The following GLDC variants were observed in gnomAD, a reference collection of about 807,000 sequenced individuals.
GLDC encodes glycine dehydrogenase (decarboxylating), mitochondrial.
A neutral mutation model predicts 121.3 loss-of-function variants in GLDC; 104 were observed. That is an observed-to-expected ratio of 0.86 (90% CI 0.73 to 1.01). The LOEUF (loss-of-function observed/expected upper bound fraction) is 1.01, where lower values mean the gene tolerates loss of function less well. Ranked by LOEUF, GLDC falls within the 50% of genes least tolerant of loss-of-function variation. The pLI is 0.00. For synonymous variants in GLDC, 546 were observed against 480.6 expected (o/e 1.14, Z -1.78); for missense variants, 1,429 against 1,306.6 (o/e 1.09, Z -1.44).
chr9:6,555,480 A>G (rs1036020171), intron 18 of GLDC, among the ~76,000 whole-genome samples: 3 of 152,122 alleles, frequency 2.0e-5, no homozygotes, highest in Non-Finnish European at 4.4e-5. Flanking sequence ...GTAGGAAAAA[A>G]AAAAGAGGTC....
chr9:6,604,994 C>G (rs980433189), intron 6 of GLDC, 137 bp downstream of exon 6: 2 of 1,002,122 alleles, frequency 2.0e-6, no homozygotes, highest in African/African-American at 1.6e-5. Context: ...AGCAAGGAGT[C>G]AGGAAGGAGA....
intron 2 of GLDC, among the ~76,000 whole-genome samples, chr9:6,634,108 G>A (rs1191890040): frequency 1.3e-5 from 2 of 151,988 alleles, no homozygotes; most frequent in Non-Finnish European, 2.9e-5. Flanking sequence ...GGGATTACAG[G>A]TGTGAGCCAC....
chr9:6,595,067 C>T lies in GLDC; in HGVS notation c.1208G>A (p.Gly403Glu), dbSNP rs745985295. Reference sequence around the variant, plus strand: ...TACCCTCCTAGCAATATGCTCCAGCCCATGGGAACCATGGTAGATTGCAAA... The same window carrying T: ...TACCCTCCTAGCAATATGCTCCAGCTCATGGGAACCATGGTAGATTGCAAA... Reference protein sequence around the residue: ...AMFAIYHGSHGLEHIARRVHN... With the variant: ...AMFAIYHGSHELEHIARRVHN... Residue 403 changes from glycine to glutamate, a missense_variant, in exon 9 of 25, where the codon GGG becomes GAG. Transcript: ENST00000321612. The T allele has an allele frequency of 1.2e-6, 2 of 1,613,486 alleles. No homozygotes were observed. Among genetic ancestry groups the T allele is most frequent in the South Asian group, 1.1e-5 (1 of 91,066 alleles).
intron 8 of GLDC, among the ~76,000 whole-genome samples, chr9:6,599,491 G>C (rs1400352483): frequency 6.6e-6 from 1 of 152,102 alleles, no homozygotes; most frequent in Non-Finnish European, 1.5e-5. Flanking sequence ...GGGAGGCCGA[G>C]GTGGGCAGAT....
At chr9:6,582,149 A>C (rs773618244) in intron 15 of GLDC, among the ~76,000 whole-genome samples, 8 of 135,808 alleles carry the variant, frequency 5.9e-5, no homozygotes, top group Non-Finnish European at 1.1e-4. Context: ...TGAGAGGCGG[A>C]GGTTGCAGTG....
At chr9:6,544,036 T>C (rs558890754) in intron 21 of GLDC, among the ~76,000 whole-genome samples, 2 of 152,100 alleles carry the variant, frequency 1.3e-5, no homozygotes, top group Admixed American at 1.3e-4. Context: ...AAACCCTCCT[T>C]GAGAGAAGGG....
intron 15 of GLDC, chr9:6,565,745 C>T (rs1817843257): frequency 7.0e-6 from 4 of 568,322 alleles, no homozygotes; most frequent in Non-Finnish European, 1.2e-5. Context: ...AAAACTATAC[C>T]AAAATACAGT....
At chr9:6,612,989 C>T (rs903083043) in intron 3 of GLDC, among the ~76,000 whole-genome samples, 7 of 152,086 alleles carry the variant, frequency 4.6e-5, no homozygotes, top group African/African-American at 1.4e-4. Flanking sequence ...ACATAAAATA[C>T]AAAACGTTCT....
At position 6,558,385 on chromosome 9, in the gene GLDC, G is replaced by A. The variant is rs183944008; in HGVS notation, c.2052+174C>T. On this transcript the variant is annotated intron_variant, in intron 17 of 24. Coordinates refer to ENST00000321612, the MANE Select transcript of GLDC (RefSeq NM_000170.3). ...TTTACACAAGCTGGAATTAGAAAACGGGGATTTCTCCCTGTTGGTGATGGG... is the reference window on the plus strand; with the variant it reads ...TTTACACAAGCTGGAATTAGAAAACAGGGATTTCTCCCTGTTGGTGATGGG... 158 of 756,510 alleles carry A rather than the reference G, an allele frequency of 2.1e-4. 1 individual carries two copies. The highest frequency in any genetic ancestry group is 4.2e-4 in the East Asian group (17 of 40,798). The allele number at this position is 756,510 out of a possible 1,614,324, so 46.9% of individuals were successfully genotyped here.
intron 3 of GLDC, among the ~76,000 whole-genome samples, chr9:6,612,598 T>G (rs1423675018): frequency 6.6e-6 from 1 of 151,836 alleles, no homozygotes; most frequent in East Asian, 1.9e-4. Context: ...CAGTGGCTCA[T>G]GCCTGTAAGT....
At chr9:6,561,929 G>C (rs1817767380) in intron 16 of GLDC, among the ~76,000 whole-genome samples, 1 of 152,144 alleles carries the variant, frequency 6.6e-6, no homozygotes, top group Admixed American at 6.5e-5. Context: ...CTTTGTCTCA[G>C]GCAGTTGGGA....
chr9:6,585,267 A>T (rs1818245950), intron 15 of GLDC, among the ~76,000 whole-genome samples: 1 of 152,240 alleles, frequency 6.6e-6, no homozygotes, highest in Non-Finnish European at 1.5e-5. Context: ...GAATTAAAAT[A>T]GTCTTGAAAA....
At chr9:6,622,512 G>A (rs984638381) in intron 2 of GLDC, among the ~76,000 whole-genome samples, 7 of 152,016 alleles carry the variant, frequency 4.6e-5, no homozygotes, top group Non-Finnish European at 7.4e-5. Flanking sequence ...CCGAGGTGCC[G>A]GGATTGCAGA....
In GLDC at chr9:6,605,263, G is replaced by A. The variant is rs1372919732; in HGVS notation, c.729C>T (p.Leu243=). Residue 243 remains leucine (L), a synonymous_variant, in exon 6 of 25, where the codon CTC becomes CTT. Transcript: ENST00000321612. ...VQTRAKYTGV[L]TELKLPCEMD... ...TTTCACAGGGTAACTTCAGCTCAGT[G>A]AGGACTCCAGTATATCTGGAAAGAC... 3.1e-6 allele frequency: 5 copies of A among 1,613,818 alleles called. No individual in the cohort carries two copies. Among genetic ancestry groups the A allele is most frequent in the Admixed American group, 3.3e-5 (2 of 59,980 alleles).
chr9:6,534,190 A>G (rs1817065930), intron 24 of GLDC: 1 of 160,326 alleles, frequency 6.2e-6, no homozygotes, highest in Admixed American at 6.0e-5. Flanking sequence ...CTCAAAAAAA[A>G]AAAAAAAAAA....
rs565335444 is a variant in GLDC, at chr9:6,605,121, G to A, written c.861+10C>T. The stretch of plus-strand genomic sequence containing the variant: ...CCTCCACGGACCCCCCACAAGAAAG[G>A]TATACCTACCCCACTCTGATGAGCT... On this transcript the variant is annotated intron_variant, in intron 6 of 24. Transcript: ENST00000321612. 382 of 1,611,452 alleles carry A rather than the reference G, an allele frequency of 2.4e-4. 5 individuals carry two copies. The South Asian group carries it at 4.0e-3, about 17-fold the overall frequency.
rs541053032 is a variant in GLDC at position 6,560,675 on chromosome 9, G to C, written c.1927-1991C>G. On this transcript the variant is annotated intron_variant, in intron 16 of 24. Coordinates refer to ENST00000321612, the MANE Select transcript of GLDC (RefSeq NM_000170.3). ...TAAAATATTCATAGAAAGCCAAAAT[G>C]AAGAATTCATACCAGGTGAGTTCTG... 2.6e-5 allele frequency among the ~76,000 whole-genome samples: 4 copies of C among 152,310 alleles called. No individual in the cohort carries two copies. The East Asian group carries it at 7.7e-4, about 29-fold the overall frequency.
intron 8 of GLDC, among the ~76,000 whole-genome samples, chr9:6,600,029 T>C (rs1364385974): frequency 2.0e-5 from 3 of 152,206 alleles, no homozygotes; most frequent in East Asian, 1.9e-4. Flanking sequence ...CTACCTCCCA[T>C]TGAAGCACCT....
intron 3 of GLDC, among the ~76,000 whole-genome samples, chr9:6,617,821 A>C (rs1355061501): frequency 6.6e-6 from 1 of 152,248 alleles, no homozygotes; most frequent in Non-Finnish European, 1.5e-5. Context: ...GTGTTTATCA[A>C]ATTGTTAACA....
Sources: allele counts gnomAD v4.1 joint callset (sites outside exome capture counted in the v4.1 genomes callset), GRCh38; gene constraint gnomAD v4.1.1; transcripts MANE v1.5; gene names NCBI Gene and HGNC (gene_info 2026-07-23, HGNC 2026-07-21).